Variants in SUMF1 observed in about 807,000 individuals in gnomAD.
SUMF1 encodes the protein sulfatase modifying factor 1.
SUMF1 carries 48 observed loss-of-function variants against 47.6 expected under a neutral mutation model. The observed-to-expected ratio is 1.01, with a 90% CI of 0.80 to 1.28. SUMF1 has a LOEUF of 1.28. Ranked by LOEUF, SUMF1 falls within the 50% of genes most tolerant of loss-of-function variation. The pLI is 0.00. For synonymous variants in SUMF1, 230 were observed against 192.1 expected (o/e 1.20, Z -1.63); for missense variants, 571 against 485.4 (o/e 1.18, Z -1.66).
intron 8 of SUMF1, among the ~76,000 whole-genome samples, chr3:4,078,579 T>C (rs1383820675): frequency 6.6e-6 from 1 of 151,994 alleles, no homozygotes; most frequent in Non-Finnish European, 1.5e-5. Context: ...TTAAATGATT[T>C]GCATACATTA....
At chr3:4,066,315 T>C (rs1230419182) in intron 9 of SUMF1, among the ~76,000 whole-genome samples, 1 of 152,110 alleles carries the variant, frequency 6.6e-6, no homozygotes, top group Admixed American at 6.6e-5. Context: ...TAAAACGATC[T>C]TTTTTCATGA....
At chr3:4,136,761 A>C (rs1397271117) in intron 8 of SUMF1, among the ~76,000 whole-genome samples, 3 of 151,024 alleles carry the variant, frequency 2.0e-5, no homozygotes, top group South Asian at 2.1e-4. Flanking sequence ...CAATGAACTC[A>C]AACAAATTTA....
intron 9 of SUMF1, among the ~76,000 whole-genome samples, chr3:4,057,866 T>C (rs1230985689): frequency 1.3e-5 from 2 of 152,094 alleles, no homozygotes; most frequent in African/African-American, 2.4e-5. Context: ...CAAAAATAAA[T>C]GGTAGAGTTG....
At chr3:4,425,631 C>T (rs1275738226) in intron 3 of SUMF1, among the ~76,000 whole-genome samples, 1 of 152,174 alleles carries the variant, frequency 6.6e-6, no homozygotes, top group African/African-American at 2.4e-5. Flanking sequence ...GATGTACCAT[C>T]TTCCATCACA....
At chr3:4,102,040 A>C (rs1280150867) in intron 8 of SUMF1, among the ~76,000 whole-genome samples, 2 of 152,132 alleles carry the variant, frequency 1.3e-5, no homozygotes, top group African/African-American at 2.4e-5. Context: ...CTCACTCACT[A>C]CCAAGAGAAC....
intron 6 of SUMF1, among the ~76,000 whole-genome samples, chr3:4,412,904 A>G (rs1406292981): frequency 6.6e-6 from 1 of 152,110 alleles, no homozygotes; most frequent in Non-Finnish European, 1.5e-5. Flanking sequence ...AACAAACAAA[A>G]ACAGATGAAA....
intron 8 of SUMF1, among the ~76,000 whole-genome samples, chr3:4,130,299 T>C (rs1693757054): frequency 6.6e-6 from 1 of 152,182 alleles, no homozygotes; most frequent in Admixed American, 6.5e-5. Context: ...AGCCATTGAC[T>C]TGACAAATGC....
intron 7 of SUMF1, among the ~76,000 whole-genome samples, chr3:4,384,039 G>T (rs771529340): frequency 7.4e-4 from 106 of 142,722 alleles, no homozygotes; most frequent in Non-Finnish European, 6.0e-4. Flanking sequence ...GTTTTTAAAA[G>T]GAATGAAGTG....
intron 8 of SUMF1, 92 bp downstream of exon 8, chr3:4,376,238 G>T (rs1205648771): frequency 2.7e-6 from 4 of 1,463,010 alleles, no homozygotes; most frequent in African/African-American, 2.8e-5. Flanking sequence ...ATTTGCAGAA[G>T]TGAATGAGAC....
At chr3:4,182,504 G>A (rs995734299) in intron 8 of SUMF1, among the ~76,000 whole-genome samples, 3 of 151,566 alleles carry the variant, frequency 2.0e-5, no homozygotes, top group South Asian at 2.1e-4. Flanking sequence ...CGGGTAAAAC[G>A]TAGAACTTCA....
intron 8 of SUMF1, among the ~76,000 whole-genome samples, chr3:4,367,695 G>A (rs1192748162): frequency 2.0e-5 from 3 of 152,144 alleles, no homozygotes; most frequent in Non-Finnish European, 4.4e-5. Context: ...GTCTACAACT[G>A]TCTGATCTTT....
chr3:4,209,112 C>T (rs1031283127), intron 8 of SUMF1, among the ~76,000 whole-genome samples: 1 of 152,054 alleles, frequency 6.6e-6, no homozygotes, highest in Admixed American at 6.6e-5. Flanking sequence ...AACATCTAGA[C>T]CTGGCCACTT....
chr3:4,331,748 T>C (rs1467176459), intron 8 of SUMF1, among the ~76,000 whole-genome samples: 1 of 152,138 alleles, frequency 6.6e-6, no homozygotes, highest in Admixed American at 6.5e-5. Flanking sequence ...GAGAATTGCG[T>C]GAACTCAAGA....
intron 8 of SUMF1, among the ~76,000 whole-genome samples, chr3:4,119,329 C>T (rs1265135004): frequency 6.6e-6 from 1 of 152,136 alleles, no homozygotes; most frequent in Non-Finnish European, 1.5e-5. Context: ...TAAAAGCTTT[C>T]AACAGCTCAT....
chr3:4,105,852 G>A (rs570069936), intron 8 of SUMF1, among the ~76,000 whole-genome samples: 1 of 152,030 alleles, frequency 6.6e-6, no homozygotes, highest in East Asian at 1.9e-4. Context: ...CTGGTCCAAG[G>A]ACATTATTAT....
Position 4,119,713 on chromosome 3 carries a change from A to AACACAC in SUMF1, c.1015-50974_1015-50969dup, listed in dbSNP as rs144771849. ...GCAAGAGGCCACACACACATACACAAACACACACACACACACACACACAAA... is the reference window on the plus strand; with the variant it reads ...GCAAGAGGCCACACACACATACACAAACACACACACACACACACACACACACACAAA... On this transcript the variant is annotated intron_variant and NMD_transcript_variant, in intron 8 of 12. Transcript: ENST00000448413. Among the ~76,000 whole-genome samples, 741 of 149,120 alleles carry AACACAC rather than the reference A, an allele frequency of 5.0e-3. 6 individuals carry two copies. The highest frequency in any genetic ancestry group is 0.017 in the African/African-American group (695 of 40,780).
chr3:4,448,285 C>T (rs901374079), intron 3 of SUMF1, among the ~76,000 whole-genome samples: 2 of 152,116 alleles, frequency 1.3e-5, no homozygotes, highest in African/African-American at 4.8e-5. Context: ...AGGACAGTTT[C>T]GTTTTTCTTG....
At chr3:4,233,595 T>G (rs1459729301) in intron 8 of SUMF1, among the ~76,000 whole-genome samples, 1 of 152,088 alleles carries the variant, frequency 6.6e-6, no homozygotes, top group Non-Finnish European at 1.5e-5. Flanking sequence ...CAATTTGAAT[T>G]GTTTAAAATA....
intron 7 of SUMF1, among the ~76,000 whole-genome samples, chr3:4,405,550 C>G (rs780781669): frequency 6.6e-6 from 1 of 152,098 alleles, no homozygotes; most frequent in Non-Finnish European, 1.5e-5. Flanking sequence ...CCATGCCCAG[C>G]TAACTTTTTG....
Sources: allele counts gnomAD v4.1 joint callset (sites outside exome capture counted in the v4.1 genomes callset), GRCh38; gene constraint gnomAD v4.1.1; transcripts MANE v1.5; gene names NCBI Gene and HGNC (gene_info 2026-07-23, HGNC 2026-07-21).